The following DCAF1 variants were observed in gnomAD, a reference collection of about 807,000 sequenced individuals.
The protein encoded by DCAF1 is DDB1 and CUL4 associated factor 1.
Under a neutral mutation model 128.0 loss-of-function variants are expected in DCAF1, and 15 were observed. The observed-to-expected ratio is 0.12, with a 90% confidence interval of 0.08 to 0.18. The LOEUF is 0.18. Ranked by LOEUF, DCAF1 falls within the 10% of genes least tolerant of loss-of-function variation. The pLI is 1.00. For missense variants in DCAF1, 988 were observed against 1,649.5 expected (o/e 0.60, Z 6.95); for synonymous variants, 610 against 603.0 (o/e 1.01, Z -0.17).
At chr3:51,425,559 CTTTTTTTTTTTT>C (rs782117372) in intron 13 of DCAF1, among the ~76,000 whole-genome samples, 1 of 96,840 alleles carries the variant, frequency 1.0e-5, no homozygotes, top group Non-Finnish European at 1.9e-5. Context: ...AAGCTGTCAT[CTTTTTTTTTTTT>C]TTTTTTTTGG....
chr3:51,476,818 T>A (rs1705515960), intron 3 of DCAF1, among the ~76,000 whole-genome samples: 2 of 151,894 alleles, frequency 1.3e-5, no homozygotes, highest in Admixed American at 1.3e-4. Context: ...GAGCTTGCAG[T>A]GAGCTGAGAT....
intron 5 of DCAF1, among the ~76,000 whole-genome samples, chr3:51,464,186 G>A (rs921793383): frequency 1.4e-4 from 21 of 151,894 alleles, no homozygotes; most frequent in African/African-American, 5.1e-4. Context: ...TTTTTTAAAA[G>A]CATAAGCAGG....
intron 2 of DCAF1, among the ~76,000 whole-genome samples, chr3:51,489,785 CAAA>C (rs1402813573): frequency 5.9e-5 from 5 of 84,908 alleles, no homozygotes; most frequent in South Asian, 3.7e-4. Flanking sequence ...GACTCTGTCT[CAAA>C]AAAAAAAAAA....
At chr3:51,431,519 CAAAAAAAAA>C (rs5848921) in intron 10 of DCAF1, among the ~76,000 whole-genome samples, 1 of 64,132 alleles carries the variant, frequency 1.6e-5, no homozygotes, top group African/African-American at 6.2e-5. Context: ...GATTCCGTCT[CAAAAAAAAA>C]AAAAAAAAAA....
intron 3 of DCAF1, among the ~76,000 whole-genome samples, chr3:51,480,617 A>C (rs1706069348): frequency 6.6e-6 from 1 of 151,428 alleles, no homozygotes; most frequent in Admixed American, 6.6e-5. Context: ...AAAAAAAAAA[A>C]AAGTTAATAC....
intron 1 of DCAF1, among the ~76,000 whole-genome samples, chr3:51,497,511 C>T (rs879992833): frequency 7.3e-5 from 11 of 151,470 alleles, no homozygotes; most frequent in South Asian, 2.1e-4. Flanking sequence ...CGCTTGAACC[C>T]GGGAGGTGGA....
At chr3:51,413,711 G>C (rs1577071571) in intron 20 of DCAF1, among the ~76,000 whole-genome samples, 1 of 152,272 alleles carries the variant, frequency 6.6e-6, no homozygotes, top group Non-Finnish European at 1.5e-5. Context: ...AATACTGCAT[G>C]AAATTTCTTT....
intron 13 of DCAF1, among the ~76,000 whole-genome samples, 177 bp downstream of exon 13, chr3:51,427,195 C>T (rs1264481004): frequency 1.3e-5 from 2 of 152,176 alleles, no homozygotes; most frequent in East Asian, 3.8e-4. Flanking sequence ...TATATATGAA[C>T]AAGTGTGCTG....
intron 3 of DCAF1, among the ~76,000 whole-genome samples, chr3:51,471,508 T>C (rs1422330303): frequency 6.6e-6 from 1 of 151,858 alleles, no homozygotes; most frequent in Admixed American, 6.6e-5. Context: ...ATATAAACTT[T>C]CCCTTCTTCA....
chr3:51,460,794 A>G (rs1703466434), intron 6 of DCAF1, among the ~76,000 whole-genome samples: 1 of 152,044 alleles, frequency 6.6e-6, no homozygotes, highest in African/African-American at 2.4e-5. Context: ...AAACCTGACA[A>G]AAACAAGAAA....
At chr3:51,419,559 C>T (rs568968507) in intron 15 of DCAF1, among the ~76,000 whole-genome samples, 175 bp downstream of exon 15, 1 of 152,164 alleles carries the variant, frequency 6.6e-6, no homozygotes, top group East Asian at 1.9e-4. Context: ...AATATACTGC[C>T]AACAATCACA....
downstream of DCAF1, chr3:51,396,317 A>T (rs2089201283): frequency 5.6e-6 from 1 of 178,452 alleles, no homozygotes; most frequent in African/African-American, 2.4e-5. Flanking sequence ...AAGAACTGCC[A>T]AGTTTTGGTG....
At position 51,476,572 on chromosome 3, in the gene DCAF1, C is replaced by CAAAA. The variant is rs11359977; in HGVS notation, c.111-5571_111-5568dup. ...ACTTTACAGTATATAAATTATATCT[C>CAAAA]AAAAAAAAAAAAAAAAAAAAAAAGG... On this transcript the variant is annotated intron_variant, in intron 3 of 24. Transcript: ENST00000684031. 4.2e-4 allele frequency among the ~76,000 whole-genome samples: 21 copies of CAAAA among 49,654 alleles called. 1 individual carries two copies. Among genetic ancestry groups the CAAAA allele is most frequent in the African/African-American group, 1.6e-3 (19 of 11,632 alleles). The allele number at this position is 49,654 out of a possible 152,430, so 32.6% of individuals were successfully genotyped here.
intron 3 of DCAF1, among the ~76,000 whole-genome samples, chr3:51,481,774 T>A (rs1706229457): frequency 6.6e-6 from 1 of 152,032 alleles, no homozygotes; most frequent in Non-Finnish European, 1.5e-5. Context: ...TCAGGTCACT[T>A]GAGGTCAGGA....
Position 51,420,851 on chromosome 3 carries a change from G to A in DCAF1, c.2119C>T (p.Pro707Ser). 6.2e-7 allele frequency: 1 copy of A among 1,613,992 alleles called. No homozygotes were observed. The highest frequency in any genetic ancestry group is 1.1e-5 in the South Asian group (1 of 91,086). Reference protein sequence around the residue: ...SSIGKFISGTPRRKLPQNPKS... With the variant: ...SSIGKFISGTSRRKLPQNPKS... Reference sequence around the variant, plus strand: ...GGGTTCTGAGGCAGCTTTCTCCGAGGAGTACCAGAGATAAATTTACCAATA... The same window carrying A: ...GGGTTCTGAGGCAGCTTTCTCCGAGAAGTACCAGAGATAAATTTACCAATA... Residue 707 changes from proline to serine, a missense_variant, in exon 15 of 25, where the codon CCT (proline) becomes TCT (serine). Pro to Ser is a moderately conservative substitution (Grantham distance 74). Around this residue, in one of 11 missense-constraint regions of DCAF1, gnomAD observed 185 missense variants for 248.1 expected, o/e 0.75. Transcript: ENST00000684031. This position sits in a 1 kb window ranked among gnomAD's most constrained non-coding sequence, Gnocchi z 6.5.
At chr3:51,422,489 G>T in intron 13 of DCAF1, 58 bp from the exon 14 acceptor site, 1 of 713,152 alleles carries the variant, frequency 1.4e-6, no homozygotes. Flanking sequence ...AATCAAGAGA[G>T]ACAGAGAGAG....
intron 3 of DCAF1, among the ~76,000 whole-genome samples, chr3:51,480,192 A>G (rs935262641): frequency 9.2e-5 from 14 of 152,106 alleles, no homozygotes; most frequent in African/African-American, 2.9e-4. Context: ...TTTTACAGAC[A>G]TGATTCTTGA....
chr3:51,481,761 C>G (rs570536454), intron 3 of DCAF1, among the ~76,000 whole-genome samples: 2 of 151,494 alleles, frequency 1.3e-5, no homozygotes, highest in Non-Finnish European at 2.9e-5. Flanking sequence ...GAGGCCGAGG[C>G]AGTCAGGTCA....
At chr3:51,423,833 A>G (rs566694785) in intron 13 of DCAF1, among the ~76,000 whole-genome samples, 11 of 151,734 alleles carry the variant, frequency 7.2e-5, no homozygotes, top group Admixed American at 2.0e-4. Context: ...AAAAAAAAAA[A>G]AAAGAAAGAA....
Sources: gnomAD v4.1 joint callset for allele counts (sites outside exome capture counted in the v4.1 genomes callset) on GRCh38, gnomAD v4.1.1 for gene constraint, gnomAD v4.1.1 regional missense constraint, Gnocchi (gnomAD v3.1) non-coding constraint, MANE v1.5 for transcripts, NCBI Gene and HGNC (gene_info 2026-07-23, HGNC 2026-07-21) for gene names.